PIK3R2: variants seen among roughly 807,000 people sequenced by gnomAD.
PIK3R2 encodes phosphoinositide-3-kinase regulatory subunit 2.
PIK3R2 carries 40 observed loss-of-function variants against 78.5 expected under a neutral mutation model. The observed-to-expected ratio is 0.51, with a 90% CI of 0.40 to 0.66. PIK3R2 has a LOEUF of 0.66. Among genes scored for constraint, PIK3R2 ranks in the 30% least tolerant of loss-of-function variants. PIK3R2 has a pLI of 0.00. For synonymous variants in PIK3R2, 473 were observed against 457.7 expected (o/e 1.03, Z -0.43); for missense variants, 880 against 1,026.6 (o/e 0.86, Z 1.95).
Position 18,160,454 on chromosome 19 carries a change from C to A in PIK3R2, c.323-17C>A. 6.6e-7 allele frequency: 1 copy of A among 1,508,974 alleles called. No homozygotes were observed. The highest frequency in any genetic ancestry group is 9.2e-7 in the Non-Finnish European group (1 of 1,083,822). 93.5% of individuals were successfully genotyped at this position (1,508,974 alleles called of 1,614,324 possible). On this transcript the variant is annotated splice_polypyrimidine_tract_variant and intron_variant, in intron 2 of 15. Coordinates refer to ENST00000222254, the MANE Select transcript of PIK3R2 (RefSeq NM_005027.4). ...AGGAACCCCACCAACATGCAACCCC[C>A]CTGTTTCCCCCACCAGGCCTCACAC... is the stretch of plus-strand genomic sequence containing the variant.
chr19:18,167,226 C>T lies in PIK3R2; in HGVS notation c.1656C>T (p.Asp552=). ...LEQQLRAQAS[D]NREIDKRMNS... is the part of the protein sequence containing the mutation. Reference sequence around the variant, plus strand: ...AGCAGCTGCGGGCCCAGGCCTCGGACAACAGAGAGATCGACAAGCGCATGA... The same window carrying T: ...AGCAGCTGCGGGCCCAGGCCTCGGATAACAGAGAGATCGACAAGCGCATGA... Residue 552 remains aspartate, a synonymous_variant, in exon 13 of 16, where the codon GAC becomes GAT. Transcript: ENST00000222254. This position sits in a 1 kb window ranked among gnomAD's most constrained non-coding sequence, Gnocchi z 4.5. 2 of 1,612,178 alleles carry T rather than the reference C, an allele frequency of 1.2e-6. No homozygotes were observed. The highest frequency in any genetic ancestry group is 2.2e-5 in the East Asian group (1 of 44,614).
Position 18,160,454 on chromosome 19 carries a change from CCT to C in PIK3R2, c.323-16_323-15del, listed in dbSNP as rs374033727. The C allele has an allele frequency of 3.4e-4, 512 of 1,508,970 alleles. 1 individual carries two copies. The highest frequency in any genetic ancestry group is 6.8e-4 in the East Asian group (30 of 44,410). The allele number at this position is 1,508,970 out of a possible 1,614,324, so 93.5% of individuals were successfully genotyped here. On this transcript the variant is annotated splice_polypyrimidine_tract_variant and intron_variant, in intron 2 of 15. Transcript: ENST00000222254. The stretch of plus-strand genomic sequence containing the variant: ...AGGAACCCCACCAACATGCAACCCC[CCT>C]GTTTCCCCCACCAGGCCTCACACTC...
intron 7 of PIK3R2, 59 bp from the exon 8 acceptor site, chr19:18,162,143 G>A (rs2043755411): frequency 7.0e-7 from 1 of 1,435,190 alleles, no homozygotes; most frequent in African/African-American, 1.4e-5. Flanking sequence ...TGGTTGCAGT[G>A]GGAGGCAGCC....
chr19:18,166,302 G>A lies in PIK3R2; in HGVS notation c.1559G>A (p.Arg520Lys). 1 of 1,613,660 alleles carries A rather than the reference G, an allele frequency of 6.2e-7. No individual in the cohort carries two copies. Among genetic ancestry groups the A allele is most frequent in the Non-Finnish European group, 8.5e-7 (1 of 1,179,724 alleles). The change falls in exon 12 of 16, where the codon AGG becomes AAG. Residue 520 changes from arginine (R) to lysine (K), a missense_variant and splice_region_variant. By Grantham distance (26) the Arg-to-Lys change is conservative (BLOSUM62 2). This residue lies in a region of PIK3R2 where 268 missense variants were observed against 299.1 expected (regional missense o/e 0.90). Transcript: ENST00000222254. ...RREGNEKEMQ[R>K]ILLNSERLKS... ...GAGGGCAACGAGAAAGAGATGCAAA[G>A]GTGAGTCTGGCGCCTCTGCCCTGCC... is the stretch of plus-strand genomic sequence containing the variant.
At chr19:18,158,189 A>C (rs1424759797) in intron 2 of PIK3R2, among the ~76,000 whole-genome samples, 4 of 152,114 alleles carry the variant, frequency 2.6e-5, no homozygotes, top group Non-Finnish European at 5.9e-5. Context: ...TTTTGTTTGC[A>C]TCAAGAAGGG....
intron 1 of PIK3R2, among the ~76,000 whole-genome samples, 175 bp downstream of exon 1, chr19:18,153,469 G>A (rs1421233412): frequency 6.6e-6 from 1 of 152,210 alleles, no homozygotes; most frequent in Non-Finnish European, 1.5e-5. Flanking sequence ...CGGCTCCGCA[G>A]CGGTGCAGCC....
At position 18,167,061 on chromosome 19, in the gene PIK3R2, A is replaced by T; in HGVS notation, c.1560-69A>T. 1.5e-6 allele frequency: 2 copies of T among 1,377,284 alleles called. No homozygotes were observed. The highest frequency in any genetic ancestry group is 5.8e-5 in the Admixed American group (2 of 34,584). The allele number at this position is 1,377,284 out of a possible 1,614,324, so 85.3% of individuals were successfully genotyped here. The stretch of plus-strand genomic sequence containing the variant: ...TGAGGTAGGAGGGTCACCTGAGCCC[A>T]GGAGTTTGAGGGTGCAGTGAGCCGA... On this transcript the variant is annotated intron_variant, in intron 12 of 15. Transcript: ENST00000222254. This position sits in a 1 kb window ranked among gnomAD's most constrained non-coding sequence, Gnocchi z 4.5.
rs1439073711 is a variant in PIK3R2 at position 18,169,456 on chromosome 19, T to TC, written c.*167dup. On this transcript the variant is annotated 3_prime_UTR_variant, in exon 16 of 16. Transcript: ENST00000222254. ...CTCACCCTCTTTCTCTTTCCTTCCCTCCCCCATTCTCCAGATCTCCCTCTG... is the reference window on the plus strand; with the variant it reads ...CTCACCCTCTTTCTCTTTCCTTCCCTCCCCCCATTCTCCAGATCTCCCTCTG... 4.7e-5 allele frequency: 17 copies of TC among 363,364 alleles called. No individual in the cohort carries two copies. Among genetic ancestry groups the TC allele is most frequent in the Non-Finnish European group, 6.9e-5 (14 of 203,248 alleles). 22.5% of individuals were successfully genotyped at this position (363,364 alleles called of 1,614,324 possible). A position where few individuals can be genotyped will look rare whatever the true frequency, so the allele number is the denominator to read the frequency against.
At position 18,169,355 on chromosome 19, in the gene PIK3R2, C is replaced by A; in HGVS notation, c.*61C>A. ...GGCCCGTCTGCGCCGGAGGCTGCGG[C>A]GGCGGGAGCCACGGACCAGACCAGC... On this transcript the variant is annotated 3_prime_UTR_variant, in exon 16 of 16. Transcript: ENST00000222254. 9.7e-7 allele frequency: 1 copy of A among 1,035,012 alleles called. No homozygotes were observed. Among genetic ancestry groups the A allele is most frequent in the Non-Finnish European group, 1.2e-6 (1 of 804,420 alleles). 64.1% of individuals were successfully genotyped at this position (1,035,012 alleles called of 1,614,324 possible). A position where few individuals can be genotyped will look rare whatever the true frequency, so the allele number is the denominator to read the frequency against.
Position 18,161,237 on chromosome 19 carries a change from G to T in PIK3R2, c.599-42G>T. ...AGGAGGGGGCTGTAGCGGGTGGGAG[G>T]GCCCAGGCCTGGCTCACCCTGCCCT... On this transcript the variant is annotated intron_variant, in intron 5 of 15. Transcript: ENST00000222254. This position sits in a 1 kb window ranked among gnomAD's most constrained non-coding sequence, Gnocchi z 5.3. 1 of 1,503,196 alleles carries T rather than the reference G, an allele frequency of 6.7e-7. No homozygotes were observed. Among genetic ancestry groups the T allele is most frequent in the South Asian group, 1.3e-5 (1 of 78,364 alleles). 93.1% of individuals were successfully genotyped at this position (1,503,196 alleles called of 1,614,324 possible).
chr19:18,155,972 G>A lies in PIK3R2; in HGVS notation c.93G>A (p.Leu31=), dbSNP rs1244289163. ...EDLELLPGDV[L]VVSRAALQAL... ...TGGAGCTGCTGCCCGGCGACGTGCTGGTAGTGAGCCGGGCGGCCTTGCAGG... is the reference window on the plus strand; with the variant it reads ...TGGAGCTGCTGCCCGGCGACGTGCTAGTAGTGAGCCGGGCGGCCTTGCAGG... The change falls in exon 2 of 16, where the codon CTG becomes CTA. Residue 31 remains leucine, a synonymous_variant. Coordinates refer to ENST00000222254, the MANE Select transcript of PIK3R2 (RefSeq NM_005027.4). The A allele has an allele frequency of 1.9e-6, 3 of 1,565,004 alleles. No homozygotes were observed. Among genetic ancestry groups the A allele is most frequent in the Non-Finnish European group, 2.6e-6 (3 of 1,155,250 alleles).
Position 18,162,397 on chromosome 19 carries a change from T to C in PIK3R2, c.1011-11T>C, listed in dbSNP as rs1459341825. 3 of 1,612,290 alleles carry C rather than the reference T, an allele frequency of 1.9e-6. No individual in the cohort carries two copies. The highest frequency in any genetic ancestry group is 2.2e-5 in the South Asian group (2 of 91,058). ...GTGGCTCGGCAGTCCCAATGTTGGA[T>C]GTTCCCACAGGGAGGAGGTGAACGA... On this transcript the variant is annotated splice_polypyrimidine_tract_variant and intron_variant, in intron 8 of 15. Transcript: ENST00000222254.
Position 18,168,919 on chromosome 19 carries a change from G to T in PIK3R2, c.1979+23G>T. The T allele has an allele frequency of 6.2e-7, 1 of 1,602,742 alleles. No individual in the cohort carries two copies. On this transcript the variant is annotated intron_variant, in intron 15 of 15. Coordinates refer to ENST00000222254, the MANE Select transcript of PIK3R2 (RefSeq NM_005027.4). The surrounding 1 kb of genome is among the most constrained non-coding windows in gnomAD (Gnocchi z 4.1). ...GGTGTGAGTGGACCGCAGCGGTGGG[G>T]ATTCCCGCGTCCCTCCCAGAGCTCT...
At position 18,160,898 on chromosome 19, in the gene PIK3R2, G is replaced by C. The variant is rs751803439; in HGVS notation, c.416-21G>C. 5.6e-6 allele frequency: 9 copies of C among 1,598,872 alleles called. No homozygotes were observed. In the Admixed American group the frequency reaches 1.4e-4, roughly 25 times the overall value. On this transcript the variant is annotated intron_variant, in intron 3 of 15. Coordinates refer to ENST00000222254, the MANE Select transcript of PIK3R2 (RefSeq NM_005027.4). ...CGGGGCAGCATTTGAGAGCTGACTCGCCTGTCCCCTTCACCCCCAGGGCTG... is the reference window on the plus strand; with the variant it reads ...CGGGGCAGCATTTGAGAGCTGACTCCCCTGTCCCCTTCACCCCCAGGGCTG...
chr19:18,158,497 A>AAAG (rs776271183), intron 2 of PIK3R2, among the ~76,000 whole-genome samples: 2 of 146,974 alleles, frequency 1.4e-5, no homozygotes, highest in Non-Finnish European at 3.0e-5. Flanking sequence ...TCTCAAAAAA[A>AAAG]CAACAACAAC....
In PIK3R2 at chr19:18,169,823, A is replaced by C. The variant is rs938000339; in HGVS notation, c.*529A>C. 4.9e-6 allele frequency: 1 copy of C among 206,010 alleles called. No homozygotes were observed. Among genetic ancestry groups the C allele is most frequent in the Non-Finnish European group, 1.0e-5 (1 of 100,492 alleles). The allele number at this position is 206,010 out of a possible 1,614,324, so 12.8% of individuals were successfully genotyped here. On this transcript the variant is annotated 3_prime_UTR_variant, in exon 16 of 16. Coordinates refer to ENST00000222254, the MANE Select transcript of PIK3R2 (RefSeq NM_005027.4). Reference sequence around the variant, plus strand: ...GGGCGGGACCCGCCCCACAGACTCCAACTTCCCCTCCAAACCCCGAAGTGA... The same window carrying C: ...GGGCGGGACCCGCCCCACAGACTCCCACTTCCCCTCCAAACCCCGAAGTGA...
At chr19:18,166,050 A>T in intron 11 of PIK3R2, 110 bp from the exon 12 acceptor site, 1 of 1,374,276 alleles carries the variant, frequency 7.3e-7, no homozygotes, top group Non-Finnish European at 1.0e-6. Flanking sequence ...ACACTCTGAT[A>T]GAGGGACCAG....
intron 1 of PIK3R2, 149 bp downstream of exon 1, chr19:18,153,443 G>GC (rs1352354985): frequency 4.6e-5 from 7 of 152,636 alleles, no homozygotes; most frequent in African/African-American, 1.7e-4. Context: ...CCGCAGGCAA[G>GC]GGGGGGCCTC....
intron 12 of PIK3R2, among the ~76,000 whole-genome samples, chr19:18,166,707 C>CAAAA (rs34888009): frequency 1.2e-5 from 1 of 81,672 alleles, no homozygotes; most frequent in Non-Finnish European, 2.2e-5. Context: ...AAGACTGTCT[C>CAAAA]AAAAAAAAAA....
Sources: allele counts gnomAD v4.1 joint callset (sites outside exome capture counted in the v4.1 genomes callset), GRCh38; gene constraint gnomAD v4.1.1; regional missense constraint gnomAD v4.1.1; non-coding constraint Gnocchi (gnomAD v3.1); transcripts MANE v1.5; gene names NCBI Gene and HGNC (gene_info 2026-07-23, HGNC 2026-07-21).